The following CNNM4 variants were observed in gnomAD, a reference collection of about 807,000 sequenced individuals.
CNNM4 encodes the protein cyclin and CBS domain divalent metal cation transport mediator 4.
CNNM4 carries 32 observed loss-of-function variants against 53.7 expected under a neutral mutation model. That is an observed-to-expected ratio of 0.60 (90% confidence interval 0.45 to 0.80). The LOEUF is 0.80. Ranked by LOEUF, CNNM4 falls within the 30% of genes least tolerant of loss-of-function variation. The probability of loss-of-function intolerance (pLI) is 0.00; values close to 1 mark genes in which losing one functional copy is unlikely to be tolerated. For synonymous variants in CNNM4, 410 were observed against 440.0 expected, an observed-to-expected ratio of 0.93 and a Z score of 0.85; for missense variants, 784 against 1,022.0, an observed-to-expected ratio of 0.77 and a Z score of 3.17.
intron 5 of CNNM4, among the ~76,000 whole-genome samples, chr2:96,804,226 A>ATT (rs772324853): frequency 3.7e-4 from 47 of 127,144 alleles, no homozygotes; most frequent in Non-Finnish European, 5.9e-4. Flanking sequence ...CACGTCACTA[A>ATT]TTTTTTTTTT....
At position 96,800,078 on chromosome 2, in the gene CNNM4, T is replaced by C. The variant is rs976400246; in HGVS notation, c.1948+430T>C. ...TTGCCAGGGCAGGCTGCAGATGGGT[T>C]TGGCTTTTCGGAGGACGCGGCTACT... On this transcript the variant is annotated intron_variant, in intron 5 of 6. Transcript: ENST00000377075. The surrounding 1 kb of genome is among the most constrained non-coding windows in gnomAD (Gnocchi z 4.6). 3.9e-5 allele frequency among the ~76,000 whole-genome samples: 6 copies of C among 152,080 alleles called. No individual in the cohort carries two copies. The highest frequency in any genetic ancestry group is 8.8e-5 in the Non-Finnish European group (6 of 67,992).
intron 1 of CNNM4, among the ~76,000 whole-genome samples, chr2:96,770,697 G>A (rs186009634): frequency 1.8e-3 from 279 of 152,330 alleles, no homozygotes; most frequent in Non-Finnish European, 3.4e-3. Context: ...TGAACAGCAA[G>A]GACATCTTTG....
Position 96,799,246 on chromosome 2 carries a change from G to T in CNNM4, c.1851+20G>T. ...CTGCAGGTGAGCCCGCTCAGCCCTG[G>T]GCCTGCCACCTGCTCCCCCTGGCAC... On this transcript the variant is annotated intron_variant, in intron 4 of 6. Coordinates refer to ENST00000377075, the MANE Select transcript of CNNM4 (RefSeq NM_020184.4). The T allele has an allele frequency of 6.2e-7, 1 of 1,613,964 alleles. No homozygotes were observed. Among genetic ancestry groups the T allele is most frequent in the Non-Finnish European group, 8.5e-7 (1 of 1,179,972 alleles).
intron 1 of CNNM4, among the ~76,000 whole-genome samples, chr2:96,771,293 C>CTTTTTTTTTT (rs570663726): frequency 7.2e-6 from 1 of 138,282 alleles, no homozygotes; most frequent in Admixed American, 7.3e-5. Context: ...AGATGATTTT[C>CTTTTTTTTTT]TTTTTTTTTT....
At position 96,800,269 on chromosome 2, in the gene CNNM4, C is replaced by T. The variant is rs968887420; in HGVS notation, c.1948+621C>T. Among the ~76,000 whole-genome samples the T allele has an allele frequency of 2.0e-5, 3 of 152,174 alleles. No individual in the cohort carries two copies. The highest frequency in any genetic ancestry group is 7.2e-5 in the African/African-American group (3 of 41,432). ...AGTGGCTCAGGCTTTCCCCGCAGAGCCCCACAGACAAGGCCCCGCAGGCCC... is the reference window on the plus strand; with the variant it reads ...AGTGGCTCAGGCTTTCCCCGCAGAGTCCCACAGACAAGGCCCCGCAGGCCC... On this transcript the variant is annotated intron_variant, in intron 5 of 6. Coordinates refer to ENST00000377075, the MANE Select transcript of CNNM4 (RefSeq NM_020184.4). The surrounding 1 kb of genome is among the most constrained non-coding windows in gnomAD (Gnocchi z 4.6).
At chr2:96,804,043 C>T (rs2079180425) in intron 5 of CNNM4, among the ~76,000 whole-genome samples, 2 of 151,744 alleles carry the variant, frequency 1.3e-5, no homozygotes, top group South Asian at 2.1e-4. Flanking sequence ...GGACTACAGG[C>T]AGGTGCCACC....
intron 1 of CNNM4, among the ~76,000 whole-genome samples, chr2:96,776,028 T>G (rs904640653): frequency 9.1e-4 from 116 of 127,618 alleles, no homozygotes; most frequent in Non-Finnish European, 1.5e-3. Flanking sequence ...GCCATTGTGG[T>G]TTTTTTTTTT....
At chr2:96,768,942 C>T (rs573560172) in intron 1 of CNNM4, among the ~76,000 whole-genome samples, 11 of 152,284 alleles carry the variant, frequency 7.2e-5, no homozygotes, top group East Asian at 1.9e-4. Context: ...GCCAGGACAA[C>T]GCTAAAAGGT....
intron 1 of CNNM4, among the ~76,000 whole-genome samples, chr2:96,785,842 A>C (rs538203608): frequency 6.6e-6 from 1 of 151,976 alleles, no homozygotes; most frequent in South Asian, 2.1e-4. Flanking sequence ...TGGCTCACGC[A>C]CTTTGGGAGG....
chr2:96,799,760 G>T (rs1179311954), intron 5 of CNNM4, 112 bp downstream of exon 5: 3 of 940,036 alleles, frequency 3.2e-6, no homozygotes, highest in East Asian at 5.3e-5. Flanking sequence ...AGCTGGCTGG[G>T]GCAGAGGGAG....
rs1393349504 is a variant in CNNM4 at position 96,797,619 on chromosome 2, C to T, written c.1653C>T (p.Leu551=). The T allele has an allele frequency of 6.2e-7, 1 of 1,614,062 alleles. No individual in the cohort carries two copies. Among genetic ancestry groups the T allele is most frequent in the African/African-American group, 1.3e-5 (1 of 74,946 alleles). The stretch of plus-strand genomic sequence containing the variant: ...AAGTGAAAATCTCCCCGCAGCTCCT[C>T]CTGGCCGCTCATCGCTTCCTAGCCA... ...ELKVKISPQL[L]LAAHRFLATE... Residue 551 remains leucine, a synonymous_variant, in exon 3 of 7, where the codon CTC becomes CTT. Coordinates refer to ENST00000377075, the MANE Select transcript of CNNM4 (RefSeq NM_020184.4). This position sits in a 1 kb window ranked among gnomAD's most constrained non-coding sequence, Gnocchi z 6.0.
At position 96,808,793 on chromosome 2, in the gene CNNM4, C is replaced by T. The variant is rs757251824; in HGVS notation, c.2130+51C>T. ...GCAGTGCTATCTTCTGCTCAGGAAT[C>T]AGCTACTACTTTCATCCACCAAACC... On this transcript the variant is annotated intron_variant, in intron 6 of 6. Coordinates refer to ENST00000377075, the MANE Select transcript of CNNM4 (RefSeq NM_020184.4). The surrounding 1 kb of genome is among the most constrained non-coding windows in gnomAD (Gnocchi z 4.9). 1.3e-6 allele frequency: 2 copies of T among 1,574,652 alleles called. No homozygotes were observed. Among genetic ancestry groups the T allele is most frequent in the East Asian group, 2.2e-5 (1 of 44,654 alleles).
At chr2:96,809,152 T>G (rs2079234463) in intron 6 of CNNM4, 168 bp from the exon 7 acceptor site, 1 of 1,461,430 alleles carries the variant, frequency 6.8e-7, no homozygotes, top group African/African-American at 1.4e-5. Flanking sequence ...CTGAGATGCT[T>G]TCTTCTCTTG....
rs1040156113 is a variant in CNNM4 at position 96,811,290 on chromosome 2, C to T, written c.*1773C>T. On this transcript the variant is annotated 3_prime_UTR_variant, in exon 7 of 7. Coordinates refer to ENST00000377075, the MANE Select transcript of CNNM4 (RefSeq NM_020184.4). The stretch of plus-strand genomic sequence containing the variant: ...GTGGGGGAAAGCCCTTAGTCTTGTA[C>T]AGGAGCAGCTTGCTCCCAAGTCCTT... 1 of 152,252 alleles carries T rather than the reference C, an allele frequency of 6.6e-6. No homozygotes were observed. Among genetic ancestry groups the T allele is most frequent in the Admixed American group, 6.5e-5 (1 of 15,288 alleles). The allele number at this position is 152,252 out of a possible 1,614,324, so 9.4% of individuals were successfully genotyped here.
At chr2:96,789,487 C>T (rs1574071630) in intron 1 of CNNM4, among the ~76,000 whole-genome samples, 1 of 152,244 alleles carries the variant, frequency 6.6e-6, no homozygotes, top group African/African-American at 2.4e-5. Context: ...CACGGTCCCA[C>T]CTGGCTGCTG....
At chr2:96,779,914 T>C (rs536066363) in intron 1 of CNNM4, among the ~76,000 whole-genome samples, 1 of 152,118 alleles carries the variant, frequency 6.6e-6, no homozygotes, top group South Asian at 2.1e-4. Context: ...GCAATTCTCC[T>C]GCCTCAGCCT....
At chr2:96,772,490 GCA>G (rs1180652982) in intron 1 of CNNM4, among the ~76,000 whole-genome samples, 2 of 94,332 alleles carry the variant, frequency 2.1e-5, no homozygotes, top group South Asian at 3.7e-4. Flanking sequence ...ACCCATGCAC[GCA>G]CACACACACT....
At chr2:96,769,518 C>T (rs1472408182) in intron 1 of CNNM4, among the ~76,000 whole-genome samples, 2 of 149,618 alleles carry the variant, frequency 1.3e-5, no homozygotes, top group Non-Finnish European at 3.0e-5. Flanking sequence ...GAGCCGAGAT[C>T]GCGCCATTGC....
chr2:96,790,533 T>C (rs2079053007), intron 1 of CNNM4, among the ~76,000 whole-genome samples: 1 of 151,262 alleles, frequency 6.6e-6, no homozygotes, highest in Non-Finnish European at 1.5e-5. Flanking sequence ...TTTGTATTTT[T>C]AGTAGAGATG....
Sources: gnomAD v4.1 joint callset for allele counts (sites outside exome capture counted in the v4.1 genomes callset) on GRCh38, gnomAD v4.1.1 for gene constraint, Gnocchi (gnomAD v3.1) non-coding constraint, MANE v1.5 for transcripts, NCBI Gene and HGNC (gene_info 2026-07-23, HGNC 2026-07-21) for gene names.